Variants in DYNC2LI1 observed in about 807,000 individuals in gnomAD.
The protein encoded by DYNC2LI1 is dynein cytoplasmic 2 light intermediate chain 1, also known as cytoplasmic dynein 2 light intermediate chain 1.
Under a neutral mutation model 51.9 loss-of-function variants are expected in DYNC2LI1, and 45 were observed. That is an observed-to-expected ratio of 0.87 (90% CI 0.68 to 1.11). DYNC2LI1 has a LOEUF of 1.11. Ranked by LOEUF, DYNC2LI1 falls within the 50% of genes most tolerant of loss-of-function variation. The pLI is 0.00. For missense variants in DYNC2LI1, 490 were observed against 417.4 expected (o/e 1.17, Z -1.51); for synonymous variants, 130 against 137.8 (o/e 0.94, Z 0.40).
chr2:43,800,515 C>T (rs1277605011), intron 8 of DYNC2LI1, among the ~76,000 whole-genome samples: 8 of 152,090 alleles, frequency 5.3e-5, no homozygotes, highest in Non-Finnish European at 1.0e-4. Flanking sequence ...TACACACATA[C>T]AGCCCATAAA....
intron 5 of DYNC2LI1, among the ~76,000 whole-genome samples, chr2:43,791,189 C>G (rs550919795): frequency 6.6e-6 from 1 of 152,254 alleles, no homozygotes; most frequent in East Asian, 1.9e-4. Flanking sequence ...CCACTGTACT[C>G]CAGCCTGAGT....
chr2:43,820,125 T>C, the DYNC2LI1 span: 1 of 1,608,590 alleles, frequency 6.2e-7, no homozygotes, highest in Non-Finnish European at 8.5e-7. Context: ...GCTCTTTAGT[T>C]TCCTCTCCAA....
At chr2:43,820,305 T>C in the DYNC2LI1 span, among the ~76,000 whole-genome samples, 2 of 152,242 alleles carry the variant, frequency 1.3e-5, no homozygotes, top group Non-Finnish European at 2.9e-5. Context: ...TGGCTGCAAC[T>C]CATTGGGAGC....
chr2:43,786,601 A>T (rs1673531280), intron 3 of DYNC2LI1, among the ~76,000 whole-genome samples: 1 of 152,048 alleles, frequency 6.6e-6, no homozygotes, highest in African/African-American at 2.4e-5. Flanking sequence ...GGAGATCGAG[A>T]CCATCCTGGT....
At chr2:43,793,058 T>A (rs1673863455) in intron 5 of DYNC2LI1, 1 of 281,442 alleles carries the variant, frequency 3.6e-6, no homozygotes, top group South Asian at 6.8e-5. Flanking sequence ...CTATGGTGAA[T>A]TTTTTGAGGA....
At chr2:43,822,390 C>G in the DYNC2LI1 span, 85 of 361,948 alleles carry the variant, frequency 2.3e-4, 2 homozygotes, top group African/African-American at 1.8e-3. Context: ...CACCCTCTGC[C>G]TCCTCTGTTG....
intron 10 of DYNC2LI1, among the ~76,000 whole-genome samples, chr2:43,802,426 G>C (rs1431138643): frequency 6.7e-6 from 1 of 149,148 alleles, no homozygotes; most frequent in African/African-American, 2.5e-5. Context: ...ACAAGCTAAA[G>C]GTGACTTGAC....
chr2:43,826,255 C>A, the DYNC2LI1 span: 4 of 1,436,814 alleles, frequency 2.8e-6, no homozygotes, highest in Non-Finnish European at 3.8e-6. Flanking sequence ...CTGCCTCAGC[C>A]TCCCAAAGTG....
chr2:43,801,508 C>T (rs1666075866), intron 9 of DYNC2LI1, 131 bp from the exon 10 acceptor site: 2 of 545,390 alleles, frequency 3.7e-6, no homozygotes, highest in African/African-American at 3.8e-5. Context: ...GTCACTCATT[C>T]ATTCGGGGCA....
chr2:43,783,546 T>C lies in DYNC2LI1; in HGVS notation c.153T>C (p.Cys51=), dbSNP rs1255705121. 2.0e-6 allele frequency: 3 copies of C among 1,533,872 alleles called. No individual in the cohort carries two copies. Among genetic ancestry groups the C allele is most frequent in the Non-Finnish European group, 2.6e-6 (3 of 1,146,164 alleles). ...GAAAGACTACTATTATTCTAAGGTG[T>C]CTTGACAGGTAAGTGTTATGTTAAC... The part of the protein sequence containing the change: ...NGGKTTIILR[C]LDRDEPPKPT... The change falls in exon 3 of 13, where the codon TGT becomes TGC. Residue 51 remains cysteine (C), a synonymous_variant. Transcript: ENST00000260605.
intron 10 of DYNC2LI1, among the ~76,000 whole-genome samples, chr2:43,802,809 A>T (rs908109677): frequency 6.6e-6 from 1 of 152,216 alleles, no homozygotes; most frequent in Admixed American, 6.5e-5. Context: ...TTTAGAATAT[A>T]TAAACTCAAC....
chr2:43,793,018 G>A, intron 5 of DYNC2LI1: 1 of 370,054 alleles, frequency 2.7e-6, no homozygotes, highest in Non-Finnish European at 4.6e-6. Context: ...TTTAGACTCA[G>A]AAGTGGAATT....
chr2:43,826,634 T>G, the DYNC2LI1 span: 2 of 1,511,798 alleles, frequency 1.3e-6, no homozygotes, highest in East Asian at 2.3e-5. Context: ...TCAAACAGTG[T>G]GCGGTGGGAA....
At chr2:43,812,345 T>C (rs1666525536), downstream of DYNC2LI1, 1 of 151,894 alleles carries the variant, frequency 6.6e-6, no homozygotes, top group Admixed American at 6.5e-5. Flanking sequence ...GGTAGGTTTT[T>C]TTTTTTTTAT....
the DYNC2LI1 span, chr2:43,822,470 TCCCCCAGGCCC>T: frequency 2.8e-6 from 1 of 354,566 alleles, no homozygotes; most frequent in Non-Finnish European, 3.6e-6. Context: ...CTTTCTCCCC[TCCCCCAGGCCC>T]CCCCCCATGC....
chr2:43,800,217 A>G (rs1007409523), intron 8 of DYNC2LI1, among the ~76,000 whole-genome samples: 3 of 152,146 alleles, frequency 2.0e-5, no homozygotes, highest in Non-Finnish European at 4.4e-5. Flanking sequence ...TATTAATAGT[A>G]CCCAACCCCT....
Position 43,774,103 on chromosome 2 carries a change from G to A in DYNC2LI1, c.-36G>A, listed in dbSNP as rs775531852. ...CTGATTCTAGGCTGGTCACTACTCC[G>A]AGCCTGTGACGTTTGCGGCAGCCAG... On this transcript the variant is annotated 5_prime_UTR_variant, in exon 1 of 13. Coordinates refer to ENST00000260605, the MANE Select transcript of DYNC2LI1 (RefSeq NM_016008.4). The A allele has an allele frequency of 7.4e-6, 12 of 1,613,356 alleles. No homozygotes were observed. In the East Asian group the frequency reaches 2.2e-4, roughly 30 times the overall value.
At chr2:43,799,352 T>C (rs1473444599) in intron 8 of DYNC2LI1, among the ~76,000 whole-genome samples, 1 of 152,028 alleles carries the variant, frequency 6.6e-6, no homozygotes, top group Non-Finnish European at 1.5e-5. Flanking sequence ...AGAAGACTGA[T>C]AAGTAGAACC....
At chr2:43,811,802 G>C (rs1465391078), downstream of DYNC2LI1, among the ~76,000 whole-genome samples, 2 of 152,042 alleles carry the variant, frequency 1.3e-5, no homozygotes, top group Admixed American at 1.3e-4. Flanking sequence ...CACCATGTTG[G>C]CCAGGATGGT....
Sources: gnomAD v4.1 joint callset for allele counts (sites outside exome capture counted in the v4.1 genomes callset) on GRCh38, gnomAD v4.1.1 for gene constraint, MANE v1.5 for transcripts, NCBI Gene and HGNC (gene_info 2026-07-23, HGNC 2026-07-21) for gene names.